DCAF1: variants seen among roughly 807,000 people sequenced by gnomAD.
DCAF1 encodes the protein DDB1 and CUL4 associated factor 1, also known as DDB1- and CUL4-associated factor 1.
In DCAF1, 15 loss-of-function variants were observed where a neutral mutation model predicts 128.0. That is an observed-to-expected ratio of 0.12 (90% CI 0.08 to 0.18). The LOEUF (loss-of-function observed/expected upper bound fraction) is 0.18. Among genes scored for constraint, DCAF1 ranks in the 10% least tolerant of loss-of-function variants. DCAF1 has a pLI of 1.00. For synonymous variants in DCAF1, 610 were observed against 603.0 expected, an observed-to-expected ratio of 1.01 and a Z score of -0.17; for missense variants, 988 against 1,649.5, an observed-to-expected ratio of 0.60 and a Z score of 6.95.
upstream of DCAF1, among the ~76,000 whole-genome samples, chr3:51,501,395 A>G (rs1465211273): frequency 1.3e-5 from 2 of 151,964 alleles, no homozygotes; most frequent in African/African-American, 4.8e-5. Flanking sequence ...GATAAACATG[A>G]CCCACAGTTG....
intron 5 of DCAF1, among the ~76,000 whole-genome samples, chr3:51,465,412 T>C (rs1435013607): frequency 3.3e-5 from 5 of 152,114 alleles, no homozygotes; most frequent in African/African-American, 1.2e-4. Flanking sequence ...AATGGTGATA[T>C]AGAAATAAAT....
rs1553639569 is a variant in DCAF1 at position 51,443,784 on chromosome 3, T to C, written c.495A>G (p.Arg165=). ...MENQDIAANY[R]DENSQLVAIV... Reference sequence around the variant, plus strand: ...TCCTTACCAGCTGTGAATTTTCATCTCTATAGTTGGCAGCAATGTCTTGAT... The same window carrying C: ...TCCTTACCAGCTGTGAATTTTCATCCCTATAGTTGGCAGCAATGTCTTGAT... Residue 165 remains arginine, a synonymous_variant, in exon 7 of 25, where the codon AGA becomes AGG. Transcript: ENST00000684031. 3.1e-6 allele frequency: 5 copies of C among 1,608,074 alleles called. No individual in the cohort carries two copies. Among genetic ancestry groups the C allele is most frequent in the Middle Eastern group, 1.7e-4 (1 of 6,054 alleles).
At chr3:51,503,490 CTCCTGCGCT>C (rs1234569161), upstream of DCAF1, among the ~76,000 whole-genome samples, 1 of 152,192 alleles carries the variant, frequency 6.6e-6, no homozygotes, top group African/African-American at 2.4e-5. Flanking sequence ...CACCCCACAA[CTCCTGCGCT>C]TCCTCCAGCA....
intron 9 of DCAF1, chr3:51,440,034 A>G: frequency 3.0e-6 from 1 of 338,734 alleles, no homozygotes; most frequent in South Asian, 2.3e-5. Flanking sequence ...TGATACAGGT[A>G]ATATCTAAAA....
rs1194311087 is a variant in DCAF1, at chr3:51,461,273, A to C, written c.375+1841T>G. ...GAAGGATATGAACAGACACTTCTCA[A>C]AAGAAGACATTTATGCAGCCAAAAA... On this transcript the variant is annotated intron_variant, in intron 6 of 24. Transcript: ENST00000684031. Among the ~76,000 whole-genome samples, 885 of 152,156 alleles carry C rather than the reference A, an allele frequency of 5.8e-3. 12 individuals carry two copies. The highest frequency in any genetic ancestry group is 0.019 in the African/African-American group (779 of 41,548).
intron 3 of DCAF1, among the ~76,000 whole-genome samples, chr3:51,474,225 C>A (rs1354189488): frequency 6.6e-6 from 1 of 152,052 alleles, no homozygotes; most frequent in Non-Finnish European, 1.5e-5. Flanking sequence ...TCGAAATCAG[C>A]CTGACCAACA....
chr3:51,482,798 A>C (rs1244334367), intron 3 of DCAF1, among the ~76,000 whole-genome samples: 38 of 150,768 alleles, frequency 2.5e-4, no homozygotes, highest in African/African-American at 9.2e-4. Flanking sequence ...TACATTCACC[A>C]AACAGTTGGG....
chr3:51,485,416 A>G (rs1706814534), intron 2 of DCAF1, among the ~76,000 whole-genome samples: 1 of 152,216 alleles, frequency 6.6e-6, no homozygotes, highest in Non-Finnish European at 1.5e-5. Flanking sequence ...GCAGAAGGGC[A>G]GGGAGCTGAG....
At position 51,481,336 on chromosome 3, in the gene DCAF1, G is replaced by A. The variant is rs576895219; in HGVS notation, c.110+2383C>T. On this transcript the variant is annotated intron_variant, in intron 3 of 24. Transcript: ENST00000684031. ...GCAAGGGGGAGGATGTATTAAAAGA[G>A]GGTAAACTGGAGGGTAAACTTATAA... Among the ~76,000 whole-genome samples the A allele has an allele frequency of 2.0e-5, 3 of 152,246 alleles. No individual in the cohort carries two copies. The South Asian group carries it at 6.2e-4, about 32-fold the overall frequency.
upstream of DCAF1, among the ~76,000 whole-genome samples, chr3:51,503,406 A>G (rs77276164): frequency 2.3e-3 from 349 of 152,086 alleles, 7 homozygotes; most frequent in East Asian, 0.06. Context: ...CCATCCTTCT[A>G]TGAGCTTTTC....
chr3:51,493,254 T>C (rs1707863883), intron 2 of DCAF1, among the ~76,000 whole-genome samples: 1 of 151,778 alleles, frequency 6.6e-6, no homozygotes, highest in Admixed American at 6.6e-5. Context: ...AAGACCAGCC[T>C]GACCAACATG....
chr3:51,482,802 A>G (rs1310797983), intron 3 of DCAF1, among the ~76,000 whole-genome samples: 2 of 150,212 alleles, frequency 1.3e-5, no homozygotes, highest in Non-Finnish European at 1.5e-5. Context: ...TTCACCAAAC[A>G]GTTGGGAAAT....
intron 9 of DCAF1, chr3:51,437,266 CAAAAAAAA>C (rs71633071): frequency 4.9e-4 from 125 of 256,492 alleles, no homozygotes; most frequent in South Asian, 1.1e-3. Context: ...GACTCCATGT[CAAAAAAAA>C]AAAAAAAAAA....
chr3:51,493,656 A>G (rs76046324), intron 2 of DCAF1, among the ~76,000 whole-genome samples: 20 of 152,114 alleles, frequency 1.3e-4, no homozygotes, highest in South Asian at 8.3e-4. Flanking sequence ...CTTGAAAACA[A>G]TAAGAAAGCA....
intron 13 of DCAF1, among the ~76,000 whole-genome samples, chr3:51,422,945 G>A (rs1313734443): frequency 6.6e-6 from 1 of 151,996 alleles, no homozygotes; most frequent in East Asian, 1.9e-4. Flanking sequence ...GCACGTGCCT[G>A]TAGTCCCAGC....
chr3:51,440,092 A>T (rs1361690298), intron 9 of DCAF1: 4 of 480,232 alleles, frequency 8.3e-6, no homozygotes, highest in African/African-American at 8.0e-5. Context: ...TCTCCTATTC[A>T]GCAACAACTG....
Position 51,403,049 on chromosome 3 carries a change from C to T in DCAF1, c.4465+94G>A, listed in dbSNP as rs1052337983. 17 of 1,499,832 alleles carry T rather than the reference C, an allele frequency of 1.1e-5. No homozygotes were observed. The South Asian group carries it at 1.4e-4, about 12-fold the overall frequency. 92.9% of individuals were successfully genotyped at this position (1,499,832 alleles called of 1,614,324 possible). On this transcript the variant is annotated intron_variant, in intron 24 of 24. Coordinates refer to ENST00000684031, the MANE Select transcript of DCAF1 (RefSeq NM_001387579.1). ...TGAATCAAATTATGGGGCACAGAAC[C>T]GTGGTATGGCTTGCCCTCTAAGTTG...
At chr3:51,438,569 A>C in intron 9 of DCAF1, among the ~76,000 whole-genome samples, 1 of 152,244 alleles carries the variant, frequency 6.6e-6, no homozygotes, top group South Asian at 2.1e-4. Context: ...GAAGCACAAA[A>C]ATAAAAAGTT....
intron 2 of DCAF1, among the ~76,000 whole-genome samples, chr3:51,491,950 G>A (rs1254555986): frequency 2.0e-5 from 3 of 152,120 alleles, no homozygotes; most frequent in Admixed American, 6.6e-5. Context: ...GAGGTCAGGA[G>A]ATCAAGACCA....
Sources: gnomAD v4.1 joint callset for allele counts (sites outside exome capture counted in the v4.1 genomes callset) on GRCh38, gnomAD v4.1.1 for gene constraint, MANE v1.5 for transcripts, NCBI Gene and HGNC (gene_info 2026-07-23, HGNC 2026-07-21) for gene names.